Variants in NAV3 observed in about 807,000 individuals in gnomAD.
NAV3 encodes pore membrane and/or filament interacting like protein 1.
NAV3 carries 87 observed loss-of-function variants against 244.7 expected under a neutral mutation model. That is an observed-to-expected ratio of 0.36 (90% CI 0.30 to 0.42). The LOEUF is 0.42. Ranked by LOEUF, NAV3 falls within the 20% of genes least tolerant of loss-of-function variation. NAV3 has a pLI of 1.00. For missense variants in NAV3, 2,663 were observed against 2,893.3 expected, an observed-to-expected ratio of 0.92 and a Z score of 1.83; for synonymous variants, 1,126 against 1,042.2, an observed-to-expected ratio of 1.08 and a Z score of -1.55.
intron 2 of NAV3, among the ~76,000 whole-genome samples, chr12:77,694,791 T>C (rs1194468205): frequency 1.3e-5 from 2 of 152,178 alleles, no homozygotes; most frequent in Non-Finnish European, 2.9e-5. Flanking sequence ...ACAACAAGGA[T>C]ACCAGGCAAA....
chr12:77,820,426 A>G lies in NAV3; in HGVS notation c.73-119893A>G, dbSNP rs548869956. ...AAGGTGGAAAGGCAAGAGAGGGGCGACCTCCCTCCATCAAGTCTTTTTATA... is the reference window on the plus strand; with the variant it reads ...AAGGTGGAAAGGCAAGAGAGGGGCGGCCTCCCTCCATCAAGTCTTTTTATA... On this transcript the variant is annotated intron_variant, in intron 2 of 8. Transcript: ENST00000550042. 6.8e-4 allele frequency among the ~76,000 whole-genome samples: 103 copies of G among 151,742 alleles called. 1 individual carries two copies. Among genetic ancestry groups the G allele is most frequent in the African/African-American group, 2.1e-3 (88 of 41,336 alleles).
In NAV3 at chr12:78,119,591, C is replaced by A; in HGVS notation, c.3395C>A (p.Thr1132Asn). ...GTGCTGCATGTTAGCTCAAAGACTA[C>A]CCTACAATATCGCAGCTTGCCCCGC... is the stretch of plus-strand genomic sequence containing the variant. ...DVVLHVSSKT[T>N]LQYRSLPRPS... Residue 1132 changes from threonine (T) to asparagine (N), a missense_variant, in exon 15 of 40, where the codon ACC becomes AAC. Around this residue, in one of 6 missense-constraint regions of NAV3, gnomAD observed 1,521 missense variants for 1,497.0 expected, o/e 1.02. Transcript: ENST00000397909. The A allele has an allele frequency of 6.2e-7, 1 of 1,614,160 alleles. No individual in the cohort carries two copies. The highest frequency in any genetic ancestry group is 8.5e-7 in the Non-Finnish European group (1 of 1,180,034).
At chr12:77,628,426 T>TA (rs1321673337) in intron 2 of NAV3, among the ~76,000 whole-genome samples, 1 of 152,196 alleles carries the variant, frequency 6.6e-6, no homozygotes, top group Non-Finnish European at 1.5e-5. Flanking sequence ...ATTACAAAGT[T>TA]AAAAATAGAT....
At chr12:77,928,036 C>T (rs1888389777) in intron 1 of NAV3, among the ~76,000 whole-genome samples, 1 of 151,800 alleles carries the variant, frequency 6.6e-6, no homozygotes, top group Non-Finnish European at 1.5e-5. Flanking sequence ...GTCTGGCCAA[C>T]ATGGTGAAAC....
At chr12:77,675,924 C>A (rs1478552184) in intron 2 of NAV3, among the ~76,000 whole-genome samples, 1 of 152,032 alleles carries the variant, frequency 6.6e-6, no homozygotes, top group East Asian at 1.9e-4. Context: ...CTGTCAGTCT[C>A]CCCTCCGTGG....
chr12:78,184,935 C>A (rs1958649345), intron 30 of NAV3, among the ~76,000 whole-genome samples: 1 of 151,708 alleles, frequency 6.6e-6, no homozygotes, highest in African/African-American at 2.4e-5. Context: ...CTTTAATCAC[C>A]ATTTAAAGGC....
intron 12 of NAV3, among the ~76,000 whole-genome samples, chr12:78,096,597 G>A (rs1402734898): frequency 6.6e-6 from 1 of 152,150 alleles, no homozygotes; most frequent in South Asian, 2.1e-4. Context: ...AGACAAGAGA[G>A]CATGTGCAGG....
chr12:77,962,002 A>C (rs11107562), intron 3 of NAV3, among the ~76,000 whole-genome samples: 17,892 of 151,976 alleles, frequency 0.12, 1,216 homozygotes, highest in Non-Finnish European at 0.15. Flanking sequence ...CTAATAGTCA[A>C]CTCTTAGCTC....
intron 3 of NAV3, among the ~76,000 whole-genome samples, chr12:77,944,606 A>T (rs1677893): frequency 0.49 from 73,920 of 151,898 alleles, 18,828 homozygotes; most frequent in South Asian, 0.65. Context: ...AGGTCAGAAA[A>T]GAGTATTGGT....
chr12:78,002,547 T>A (rs1296889181), intron 7 of NAV3, among the ~76,000 whole-genome samples: 1 of 152,154 alleles, frequency 6.6e-6, no homozygotes, highest in African/African-American at 2.4e-5. Context: ...TCTTTAAATT[T>A]GGGCAGCTTA....
At chr12:77,779,744 T>G (rs1870569831) in intron 2 of NAV3, among the ~76,000 whole-genome samples, 1 of 152,218 alleles carries the variant, frequency 6.6e-6, no homozygotes, top group Non-Finnish European at 1.5e-5. Flanking sequence ...TCTTCCTTCA[T>G]CAACATGCGA....
intron 2 of NAV3, among the ~76,000 whole-genome samples, chr12:77,810,788 C>T (rs1290720128): frequency 2.0e-5 from 3 of 152,132 alleles, no homozygotes; most frequent in Non-Finnish European, 4.4e-5. Flanking sequence ...TGCCTAACCA[C>T]TTTAAATAAA....
chr12:77,911,617 T>G (rs1292684544), intron 1 of NAV3, among the ~76,000 whole-genome samples: 2 of 152,132 alleles, frequency 1.3e-5, no homozygotes, highest in African/African-American at 4.8e-5. Context: ...TTTTTTAACT[T>G]AAAAATACCT....
intron 6 of NAV3, among the ~76,000 whole-genome samples, chr12:77,995,227 G>A (rs148601243): frequency 5.0e-4 from 76 of 152,194 alleles, no homozygotes; most frequent in African/African-American, 1.7e-3. Context: ...TTTGAGATGG[G>A]CATGCATTAA....
At chr12:77,636,755 A>G (rs1872174728) in intron 2 of NAV3, among the ~76,000 whole-genome samples, 1 of 152,208 alleles carries the variant, frequency 6.6e-6, no homozygotes, top group African/African-American at 2.4e-5. Flanking sequence ...AATGTCCATT[A>G]ATGATAGACT....
rs1323700394 is a variant in NAV3 at position 78,084,138 on chromosome 12, C to T, written c.2636+25023C>T. 2.0e-5 allele frequency among the ~76,000 whole-genome samples: 3 copies of T among 152,182 alleles called. No homozygotes were observed. The East Asian group carries it at 5.8e-4, about 29-fold the overall frequency. On this transcript the variant is annotated intron_variant, in intron 12 of 39. Coordinates refer to ENST00000397909, the MANE Select transcript of NAV3 (RefSeq NM_001024383.2). Reference sequence around the variant, plus strand: ...ACAGAAATCCTACATTTCCCTGCTCCACTCTTTCATTCTCTTAACAAATAA... The same window carrying T: ...ACAGAAATCCTACATTTCCCTGCTCTACTCTTTCATTCTCTTAACAAATAA...
At chr12:77,659,106 A>G (rs1196899239) in intron 2 of NAV3, among the ~76,000 whole-genome samples, 8 of 151,856 alleles carry the variant, frequency 5.3e-5, no homozygotes, top group African/African-American at 9.7e-5. Flanking sequence ...AAAATTGACA[A>G]ATGGGATCTA....
intron 2 of NAV3, among the ~76,000 whole-genome samples, chr12:77,710,171 C>T (rs1251642395): frequency 6.6e-6 from 1 of 152,128 alleles, no homozygotes; most frequent in Non-Finnish European, 1.5e-5. Context: ...AGCTGTATTC[C>T]AAACATAACA....
chr12:77,747,055 CTTAACT>C (rs1306627731), intron 2 of NAV3, among the ~76,000 whole-genome samples: 1 of 152,028 alleles, frequency 6.6e-6, no homozygotes, highest in African/African-American at 2.4e-5. Context: ...TCTTTTTCTT[CTTAACT>C]TTAAGTAAAC....
Sources: allele counts gnomAD v4.1 joint callset (sites outside exome capture counted in the v4.1 genomes callset), GRCh38; gene constraint gnomAD v4.1.1; regional missense constraint gnomAD v4.1.1; transcripts MANE v1.5; gene names NCBI Gene and HGNC (gene_info 2026-07-23, HGNC 2026-07-21).